The following RNF216 variants were observed in gnomAD, a reference collection of about 807,000 sequenced individuals.
The protein encoded by RNF216 is ring finger protein 216.
RNF216 carries 72 observed loss-of-function variants against 110.8 expected under a neutral mutation model. The observed-to-expected ratio is 0.65, with a 90% CI of 0.54 to 0.79. The LOEUF is 0.79. Among genes scored for constraint, RNF216 ranks in the 30% least tolerant of loss-of-function variants. The pLI is 0.00. For missense variants in RNF216, 1,342 were observed against 1,141.2 expected, an observed-to-expected ratio of 1.18 and a Z score of -2.54; for synonymous variants, 495 against 407.5, an observed-to-expected ratio of 1.21 and a Z score of -2.59.
chr7:5,755,855 T>C (rs1045985691), intron 2 of RNF216, among the ~76,000 whole-genome samples: 4 of 152,140 alleles, frequency 2.6e-5, no homozygotes, highest in African/African-American at 7.2e-5. Context: ...TTTTGGCAGA[T>C]AACACTAAAC....
chr7:5,775,460 C>A (rs1437682770), intron 1 of RNF216, among the ~76,000 whole-genome samples: 1 of 152,104 alleles, frequency 6.6e-6, no homozygotes, highest in African/African-American at 2.4e-5. Context: ...CTCTGTAGTG[C>A]CCCTGGCTCT....
At chr7:5,646,194 T>C (rs1584369258) in intron 14 of RNF216, among the ~76,000 whole-genome samples, 1 of 152,144 alleles carries the variant, frequency 6.6e-6, no homozygotes, top group Non-Finnish European at 1.5e-5. Context: ...GATTGTTTAG[T>C]GACTTTTAAA....
At chr7:5,777,785 T>A (rs1357429774) in intron 1 of RNF216, among the ~76,000 whole-genome samples, 1 of 152,238 alleles carries the variant, frequency 6.6e-6, no homozygotes, top group Non-Finnish European at 1.5e-5. Flanking sequence ...CTAAGAATCC[T>A]ATTATCTGTG....
intron 2 of RNF216, among the ~76,000 whole-genome samples, chr7:5,754,119 GGTGTGTGTGT>G (rs10543449): frequency 0.077 from 11,001 of 142,026 alleles, 472 homozygotes; most frequent in East Asian, 0.12. Flanking sequence ...TCTTTTGTGT[GGTGTGTGTGT>G]GTGTGTGTGT....
At chr7:5,711,685 G>C in intron 13 of RNF216, 76 bp downstream of exon 13, 5 of 1,132,616 alleles carry the variant, frequency 4.4e-6, no homozygotes, top group Non-Finnish European at 6.5e-6. Context: ...CAGGTAAACA[G>C]CAGATATTTG....
At chr7:5,651,534 G>A (rs370246545) in intron 14 of RNF216, among the ~76,000 whole-genome samples, 3 of 152,190 alleles carry the variant, frequency 2.0e-5, no homozygotes, top group Admixed American at 1.3e-4. Context: ...GCCCGGCTGT[G>A]AGACAATCTC....
Position 5,660,265 on chromosome 7 carries a change from C to CTT in RNF216, c.2062-7757_2062-7756dup, listed in dbSNP as rs66617363. On this transcript the variant is annotated intron_variant, in intron 13 of 16. Coordinates refer to ENST00000389902, the MANE Select transcript of RNF216 (RefSeq NM_207111.4). ...ACAGAGCCCGGCCCTGTTTTAAATT[C>CTT]TTTTTTTTTTTTTTTTTTTTTTTTT... Among the ~76,000 whole-genome samples, 7 of 33,644 alleles carry CTT rather than the reference C, an allele frequency of 2.1e-4. 1 individual carries two copies. The highest frequency in any genetic ancestry group is 3.7e-4 in the Non-Finnish European group (6 of 16,336). The allele number at this position is 33,644 out of a possible 152,430, so 22.1% of individuals were successfully genotyped here. A position where few individuals can be genotyped will look rare whatever the true frequency, so the allele number is the denominator to read the frequency against.
At chr7:5,769,830 A>G (rs895695858) in intron 1 of RNF216, among the ~76,000 whole-genome samples, 2 of 151,338 alleles carry the variant, frequency 1.3e-5, no homozygotes, top group Admixed American at 1.3e-4. Flanking sequence ...TGAGGTCAGG[A>G]GTTTGAGACC....
In RNF216 at chr7:5,711,789, A is replaced by C. The variant is rs1792710014; in HGVS notation, c.2033T>G (p.Phe678Cys). 1 of 1,613,906 alleles carries C rather than the reference A, an allele frequency of 6.2e-7. No individual in the cohort carries two copies. Among genetic ancestry groups the C allele is most frequent in the Non-Finnish European group, 8.5e-7 (1 of 1,179,914 alleles). The change falls in exon 13 of 17, where the codon TTC becomes TGC. Residue 678 changes from phenylalanine (F) to cysteine (C), a missense_variant. Physicochemically the swap from Phe to Cys is radical, Grantham distance 205. Transcript: ENST00000389902. ...TCGGCAGTGAGGATTAGGACAGCTG[A>C]ACCTCTTCACATCACTGTCCAACAG... ...PALLDSDVKR[F>C]SCPNPHCRKE...
At chr7:5,713,915 G>C (rs1249814357) in intron 11 of RNF216, among the ~76,000 whole-genome samples, 1 of 152,226 alleles carries the variant, frequency 6.6e-6, no homozygotes, top group African/African-American at 2.4e-5. Context: ...AATTGCTCAA[G>C]ATCACAGGGC....
At chr7:5,779,350 G>A (rs1301131806) in intron 1 of RNF216, among the ~76,000 whole-genome samples, 5 of 151,962 alleles carry the variant, frequency 3.3e-5, no homozygotes, top group Non-Finnish European at 5.9e-5. Flanking sequence ...GGTTTGCCAG[G>A]GGGTCCAAAA....
intron 15 of RNF216, among the ~76,000 whole-genome samples, chr7:5,640,911 G>C (rs1446971551): frequency 2.0e-5 from 3 of 152,340 alleles, no homozygotes; most frequent in African/African-American, 7.2e-5. Flanking sequence ...AGAGGGCACA[G>C]AGTTTTATTT....
At chr7:5,748,627 C>T (rs1562458498) in intron 3 of RNF216, among the ~76,000 whole-genome samples, 1 of 134,006 alleles carries the variant, frequency 7.5e-6, no homozygotes, top group Non-Finnish European at 1.7e-5. Flanking sequence ...CACACACACA[C>T]ACACACACAC....
chr7:5,710,791 G>A (rs1052116388), intron 13 of RNF216, among the ~76,000 whole-genome samples: 4 of 152,024 alleles, frequency 2.6e-5, no homozygotes, highest in Admixed American at 6.6e-5. Context: ...GCATCTTAGC[G>A]TAGGCATCAC....
Position 5,696,084 on chromosome 7 carries a change from C to CG in RNF216, c.2061+15676dup, listed in dbSNP as rs963647096. Among the ~76,000 whole-genome samples, 1 of 152,138 alleles carries CG rather than the reference C, an allele frequency of 6.6e-6. No homozygotes were observed. The highest frequency in any genetic ancestry group is 2.4e-5 in the African/African-American group (1 of 41,422). ...CTTGATCCCTGACTCCCAGGAGGCA[C>CG]GGAAGGACAAGAAAGCAGCCACCAG... On this transcript the variant is annotated intron_variant, in intron 13 of 16. Coordinates refer to ENST00000389902, the MANE Select transcript of RNF216 (RefSeq NM_207111.4). The surrounding 1 kb of genome is among the most constrained non-coding windows in gnomAD (Gnocchi z 5.4).
chr7:5,652,645 G>A, intron 13 of RNF216, 135 bp from the exon 14 acceptor site: 1 of 642,514 alleles, frequency 1.6e-6, no homozygotes, highest in South Asian at 1.8e-5. Flanking sequence ...TTTTCAGGGG[G>A]GATATTTCTA....
rs542864432 is a variant in RNF216, at chr7:5,696,630, C to T, written c.2061+15131G>A. ...TTCACCAAAGCCTCTTCCTTGGCTG[C>T]TGCCATCCTCGCTTTTGACTACTGC... On this transcript the variant is annotated intron_variant, in intron 13 of 16. Coordinates refer to ENST00000389902, the MANE Select transcript of RNF216 (RefSeq NM_207111.4). This position sits in a 1 kb window ranked among gnomAD's most constrained non-coding sequence, Gnocchi z 5.4. 6.6e-6 allele frequency among the ~76,000 whole-genome samples: 1 copy of T among 152,306 alleles called. No individual in the cohort carries two copies. Among genetic ancestry groups the T allele is most frequent in the African/African-American group, 2.4e-5 (1 of 41,554 alleles).
At chr7:5,633,573 TCAAA>T (rs1787209691) in intron 15 of RNF216, among the ~76,000 whole-genome samples, 1 of 151,876 alleles carries the variant, frequency 6.6e-6, no homozygotes, top group Admixed American at 6.6e-5. Flanking sequence ...AGACTCCCTC[TCAAA>T]CAAAACAAAA....
intron 2 of RNF216, among the ~76,000 whole-genome samples, chr7:5,755,708 A>G (rs1795599849): frequency 6.6e-6 from 1 of 152,188 alleles, no homozygotes; most frequent in South Asian, 2.1e-4. Flanking sequence ...GTTGATAGAC[A>G]TTTGAGTATG....
Sources: allele counts gnomAD v4.1 joint callset (sites outside exome capture counted in the v4.1 genomes callset), GRCh38; gene constraint gnomAD v4.1.1; non-coding constraint Gnocchi (gnomAD v3.1); transcripts MANE v1.5; gene names NCBI Gene and HGNC (gene_info 2026-07-23, HGNC 2026-07-21).